The following RAB31 variants were observed in gnomAD, a reference collection of about 807,000 sequenced individuals.
RAB31 encodes the protein ras-related protein Rab-31.
In RAB31, 21 loss-of-function variants were observed where a neutral mutation model predicts 25.6. The observed-to-expected ratio is 0.82, with a 90% CI of 0.58 to 1.18. The LOEUF is 1.18. RAB31 is among the 50% of genes most tolerant of loss of function. RAB31 has a pLI of 0.00. For synonymous variants in RAB31, 87 were observed against 84.0 expected (o/e 1.04, Z -0.20); for missense variants, 196 against 250.1 (o/e 0.78, Z 1.46).
chr18:9,847,781 C>CG (rs2068768983), intron 6 of RAB31, among the ~76,000 whole-genome samples: 1 of 152,096 alleles, frequency 6.6e-6, no homozygotes, highest in Non-Finnish European at 1.5e-5. Flanking sequence ...GCCATGTTGC[C>CG]TAGGCTGGTC....
Position 9,859,290 on chromosome 18 carries a change from A to T in RAB31, c.553A>T (p.Lys185Ter). Reference protein sequence around the residue: ...NGNNGTIKVEKPTMQASRRCC With the variant: ...NGNNGTIKVE ...AAACAATGGAACAATCAAAGTTGAG[A>T]AGCCAACCATGCAAGCCAGCCGCCG... Residue 185 changes from lysine (K) to a stop codon, truncating the protein, a stop_gained, in exon 7 of 7, where the codon AAG becomes TAG. Coordinates refer to ENST00000578921, the MANE Select transcript of RAB31 (RefSeq NM_006868.4). LOFTEE classifies it high-confidence loss of function. 1.2e-6 allele frequency: 2 copies of T among 1,613,840 alleles called. No homozygotes were observed. Among genetic ancestry groups the T allele is most frequent in the Non-Finnish European group, 1.7e-6 (2 of 1,179,774 alleles).
rs75267494 is a variant in RAB31 at position 9,822,874 on chromosome 18, G to T, written c.380+7652G>T. On this transcript the variant is annotated intron_variant, in intron 5 of 6. Transcript: ENST00000578921. Reference sequence around the variant, plus strand: ...TTGGCAGTTTCTTATAAAACTAAACGTGCAGTTACCATATGGCCTGGCAAT... The same window carrying T: ...TTGGCAGTTTCTTATAAAACTAAACTTGCAGTTACCATATGGCCTGGCAAT... 3.9e-3 allele frequency among the ~76,000 whole-genome samples: 588 copies of T among 152,280 alleles called. 3 individuals carry two copies. Among genetic ancestry groups the T allele is most frequent in the African/African-American group, 0.012 (501 of 41,552 alleles).
chr18:9,716,177 AT>A (rs1252813825), intron 1 of RAB31, among the ~76,000 whole-genome samples: 1 of 152,088 alleles, frequency 6.6e-6, no homozygotes, highest in Non-Finnish European at 1.5e-5. Flanking sequence ...TGACTCTGGC[AT>A]TTTTGAAGAA....
At chr18:9,825,449 G>A (rs1246838337) in intron 5 of RAB31, among the ~76,000 whole-genome samples, 1 of 152,212 alleles carries the variant, frequency 6.6e-6, no homozygotes, top group African/African-American at 2.4e-5. Flanking sequence ...GAAATAGGTT[G>A]TAACCTTGCC....
At chr18:9,770,408 C>T (rs1568174549) in intron 1 of RAB31, among the ~76,000 whole-genome samples, 1 of 152,138 alleles carries the variant, frequency 6.6e-6, no homozygotes, top group Non-Finnish European at 1.5e-5. Context: ...TGTGTGGCAG[C>T]AGCCAAAACT....
intron 2 of RAB31, among the ~76,000 whole-genome samples, chr18:9,789,069 G>T (rs1395704879): frequency 4.6e-5 from 7 of 152,214 alleles, no homozygotes; most frequent in African/African-American, 1.7e-4. Context: ...ATGAAATCCT[G>T]TCATTCATGG....
intron 5 of RAB31, among the ~76,000 whole-genome samples, chr18:9,829,116 G>GAATACTGT (rs1247956014): frequency 6.6e-6 from 1 of 152,118 alleles, no homozygotes. Flanking sequence ...ATATCGTAAG[G>GAATACTGT]AATACTGTGG....
At chr18:9,788,972 A>G (rs979042892) in intron 2 of RAB31, among the ~76,000 whole-genome samples, 3 of 152,236 alleles carry the variant, frequency 2.0e-5, no homozygotes, top group Admixed American at 6.5e-5. Context: ...CCCATCTCAA[A>G]AAAACAAAAC....
chr18:9,804,443 C>T (rs2068529638), intron 3 of RAB31, among the ~76,000 whole-genome samples: 4 of 152,108 alleles, frequency 2.6e-5, no homozygotes. Flanking sequence ...GGACGTGGGG[C>T]CAAAACACAG....
chr18:9,845,069 TC>T (rs1455431121), intron 5 of RAB31, among the ~76,000 whole-genome samples: 1 of 152,194 alleles, frequency 6.6e-6, no homozygotes, highest in African/African-American at 2.4e-5. Flanking sequence ...CAGATGAAAG[TC>T]CAGATATGCC....
chr18:9,765,110 G>A (rs1328713786), intron 1 of RAB31, among the ~76,000 whole-genome samples: 1 of 151,968 alleles, frequency 6.6e-6, no homozygotes, highest in African/African-American at 2.4e-5. Flanking sequence ...TCGCCACCAC[G>A]CCTGTCTGAT....
intron 6 of RAB31, among the ~76,000 whole-genome samples, chr18:9,853,907 G>A (rs1455998072): frequency 6.6e-6 from 1 of 150,932 alleles, no homozygotes; most frequent in Non-Finnish European, 1.5e-5. Flanking sequence ...CCTTTGAGTG[G>A]TAGGGAAGCC....
chr18:9,727,201 T>C (rs544741990), intron 1 of RAB31, among the ~76,000 whole-genome samples: 1 of 152,360 alleles, frequency 6.6e-6, no homozygotes, highest in African/African-American at 2.4e-5. Context: ...CCGTATGCCC[T>C]GGTGCTATGT....
At chr18:9,743,961 A>C (rs2068192808) in intron 1 of RAB31, among the ~76,000 whole-genome samples, 1 of 152,144 alleles carries the variant, frequency 6.6e-6, no homozygotes, top group Admixed American at 6.5e-5. Context: ...TACCTCCTCT[A>C]TATGACCCTG....
At chr18:9,835,636 G>A (rs770926643) in intron 5 of RAB31, among the ~76,000 whole-genome samples, 4 of 152,174 alleles carry the variant, frequency 2.6e-5, no homozygotes, top group Non-Finnish European at 5.9e-5. Context: ...GCTGGTACAC[G>A]GTTGTCAAGT....
intron 6 of RAB31, 115 bp from the exon 7 acceptor site, chr18:9,859,113 A>T: frequency 2.6e-6 from 2 of 775,404 alleles, no homozygotes; most frequent in Non-Finnish European, 4.1e-6. Flanking sequence ...CCCTCCAGGA[A>T]CACCTTTATT....
intron 6 of RAB31, chr18:9,856,045 G>C (rs1356516698): frequency 6.6e-6 from 1 of 152,160 alleles, no homozygotes; most frequent in Admixed American, 6.5e-5. Flanking sequence ...CATTGAACTG[G>C]AATGCTGACT....
At chr18:9,760,926 G>A (rs976505107) in intron 1 of RAB31, among the ~76,000 whole-genome samples, 11 of 152,236 alleles carry the variant, frequency 7.2e-5, no homozygotes, top group Middle Eastern at 6.8e-3. Context: ...ACAGGGAGCT[G>A]TTTTAATGGC....
At chr18:9,848,249 GCTGT>G (rs1355641259) in intron 6 of RAB31, among the ~76,000 whole-genome samples, 1 of 150,578 alleles carries the variant, frequency 6.6e-6, no homozygotes, top group Non-Finnish European at 1.5e-5. Context: ...TGTCCACTTG[GCTGT>G]CTATCTGTCC....
Sources: gnomAD v4.1 joint callset for allele counts (sites outside exome capture counted in the v4.1 genomes callset) on GRCh38, gnomAD v4.1.1 for gene constraint, MANE v1.5 for transcripts, NCBI Gene and HGNC (gene_info 2026-07-23, HGNC 2026-07-21) for gene names.